KCNQ5: variants seen among roughly 807,000 people sequenced by gnomAD.
The protein encoded by KCNQ5 is potassium voltage-gated channel subfamily KQT member 5.
Under a neutral mutation model 98.2 loss-of-function variants are expected in KCNQ5, and 30 were observed. The ratio of observed to expected loss-of-function variants is 0.31; its 90% confidence interval spans 0.23 to 0.41. The LOEUF (loss-of-function observed/expected upper bound fraction) is 0.41, where lower values mean the gene tolerates loss of function less well. Among genes scored for constraint, KCNQ5 ranks in the 10% least tolerant of loss-of-function variants. KCNQ5 has a pLI of 1.00. For missense variants in KCNQ5, 835 were observed against 1,182.5 expected (o/e 0.71, Z 4.31); for synonymous variants, 458 against 449.4 (o/e 1.02, Z -0.24).
At chr6:72,933,872 A>G (rs1427416003) in intron 1 of KCNQ5, among the ~76,000 whole-genome samples, 2 of 152,182 alleles carry the variant, frequency 1.3e-5, no homozygotes, top group Non-Finnish European at 2.9e-5. Flanking sequence ...AGTTTTAGGC[A>G]AGGTCCCTGA....
chr6:72,628,610 C>T (rs2098919181), intron 1 of KCNQ5, among the ~76,000 whole-genome samples: 3 of 152,064 alleles, frequency 2.0e-5, no homozygotes, highest in Admixed American at 6.6e-5. Context: ...ATCTTTCTTT[C>T]TTTCTTTTTG....
intron 11 of KCNQ5, among the ~76,000 whole-genome samples, chr6:73,187,945 T>A (rs912145737): frequency 1.3e-5 from 2 of 150,120 alleles, no homozygotes; most frequent in Non-Finnish European, 3.0e-5. Flanking sequence ...CAAGAAAAAA[T>A]GGCAGATCCC....
At chr6:72,844,478 A>G (rs764623468) in intron 1 of KCNQ5, among the ~76,000 whole-genome samples, 2 of 152,258 alleles carry the variant, frequency 1.3e-5, no homozygotes, top group Non-Finnish European at 2.9e-5. Context: ...CTAAGACAGT[A>G]TAAAATAGTA....
At chr6:72,809,395 T>TA (rs545735922) in intron 1 of KCNQ5, among the ~76,000 whole-genome samples, 13 of 151,520 alleles carry the variant, frequency 8.6e-5, no homozygotes, top group African/African-American at 2.7e-4. Flanking sequence ...AGTATAATAA[T>TA]AAAAAAAATA....
intron 1 of KCNQ5, among the ~76,000 whole-genome samples, chr6:72,931,208 A>G (rs1034333026): frequency 1.3e-5 from 2 of 152,210 alleles, no homozygotes; most frequent in African/African-American, 4.8e-5. Flanking sequence ...CTTCTAAAAA[A>G]TAATAGAATT....
chr6:72,725,335 C>T (rs1770208962), intron 1 of KCNQ5, among the ~76,000 whole-genome samples: 1 of 152,054 alleles, frequency 6.6e-6, no homozygotes, highest in Admixed American at 6.6e-5. Context: ...TACAAGTTTT[C>T]CCAAAAATGA....
At chr6:73,006,751 A>G (rs1321699777) in intron 2 of KCNQ5, among the ~76,000 whole-genome samples, 1 of 152,254 alleles carries the variant, frequency 6.6e-6, no homozygotes, top group East Asian at 1.9e-4. Flanking sequence ...AGACAACACC[A>G]GAGGTGTACA....
intron 1 of KCNQ5, among the ~76,000 whole-genome samples, chr6:72,728,279 T>G (rs543279496): frequency 4.9e-5 from 7 of 143,328 alleles, no homozygotes; most frequent in African/African-American, 1.8e-4. Context: ...ATAAATATAA[T>G]TTTAGGAAAT....
intron 5 of KCNQ5, among the ~76,000 whole-genome samples, chr6:73,096,816 G>A (rs367842664): frequency 3.3e-5 from 5 of 152,104 alleles, no homozygotes; most frequent in South Asian, 2.1e-4. Flanking sequence ...GCCAAGGCAG[G>A]GGGATCATTT....
At chr6:72,727,609 G>T (rs946893118) in intron 1 of KCNQ5, among the ~76,000 whole-genome samples, 2 of 152,070 alleles carry the variant, frequency 1.3e-5, no homozygotes, top group East Asian at 3.8e-4. Context: ...CTAGCAACTG[G>T]TACTCCTTCA....
intron 1 of KCNQ5, among the ~76,000 whole-genome samples, chr6:72,629,298 A>T (rs2098919566): frequency 6.6e-6 from 1 of 152,198 alleles, no homozygotes; most frequent in Non-Finnish European, 1.5e-5. Context: ...TTGCTCCTGC[A>T]TTCCTTTAAA....
chr6:73,181,318 T>G (rs1778396850), intron 11 of KCNQ5, among the ~76,000 whole-genome samples: 1 of 152,252 alleles, frequency 6.6e-6, no homozygotes, highest in Non-Finnish European at 1.5e-5. Flanking sequence ...AGAGGTCTTT[T>G]GCTCTTTGCT....
intron 1 of KCNQ5, among the ~76,000 whole-genome samples, chr6:72,969,241 T>C (rs781500475): frequency 2.0e-5 from 3 of 152,250 alleles, no homozygotes; most frequent in Non-Finnish European, 4.4e-5. Context: ...TAAATATTAT[T>C]GTCAGCTTTC....
intron 1 of KCNQ5, among the ~76,000 whole-genome samples, chr6:72,776,079 A>T (rs1773148379): frequency 6.6e-6 from 1 of 152,216 alleles, no homozygotes; most frequent in Non-Finnish European, 1.5e-5. Context: ...GATGTACTAG[A>T]ACTTTCTGTA....
chr6:72,974,701 C>T (rs1298831139), intron 1 of KCNQ5, among the ~76,000 whole-genome samples: 1 of 151,634 alleles, frequency 6.6e-6, no homozygotes, highest in Non-Finnish European at 1.5e-5. Context: ...CCCATGAAAA[C>T]TGAAAATTTA....
intron 1 of KCNQ5, among the ~76,000 whole-genome samples, chr6:72,873,538 C>T (rs1339751159): frequency 6.6e-6 from 1 of 152,076 alleles, no homozygotes; most frequent in East Asian, 1.9e-4. Context: ...AACAGAAATG[C>T]TTACATGATA....
chr6:72,779,707 C>G (rs917028435), intron 1 of KCNQ5, among the ~76,000 whole-genome samples: 1 of 152,010 alleles, frequency 6.6e-6, no homozygotes, highest in Non-Finnish European at 1.5e-5. Flanking sequence ...TGCAGTGGCA[C>G]AAGAATGGCT....
At chr6:72,662,992 A>G (rs554684109) in intron 1 of KCNQ5, among the ~76,000 whole-genome samples, 8 of 152,290 alleles carry the variant, frequency 5.3e-5, no homozygotes, top group Non-Finnish European at 1.0e-4. Context: ...CATTCCTGAT[A>G]CAATAGTATT....
chr6:73,023,546 A>G (rs1011447498), intron 2 of KCNQ5, among the ~76,000 whole-genome samples: 2 of 152,192 alleles, frequency 1.3e-5, no homozygotes, highest in African/African-American at 4.8e-5. Context: ...AACAGACCCA[A>G]TATTAACACA....
Sources: gnomAD v4.1 joint callset for allele counts (sites outside exome capture counted in the v4.1 genomes callset) on GRCh38, gnomAD v4.1.1 for gene constraint, MANE v1.5 for transcripts, NCBI Gene and HGNC (gene_info 2026-07-23, HGNC 2026-07-21) for gene names.